Variants in DGKH observed in about 807,000 individuals in gnomAD.
DGKH encodes the protein DAG kinase eta.
A neutral mutation model predicts 159.3 loss-of-function variants in DGKH; 90 were observed. That is an observed-to-expected ratio of 0.57 (90% CI 0.48 to 0.67). The LOEUF (loss-of-function observed/expected upper bound fraction) is 0.67. Among genes scored for constraint, DGKH ranks in the 30% least tolerant of loss-of-function variants. The pLI is 0.00. For missense variants in DGKH, 1,181 were observed against 1,506.1 expected (o/e 0.78, Z 3.57); for synonymous variants, 536 against 553.8 (o/e 0.97, Z 0.45).
At position 42,198,549 on chromosome 13, in the gene DGKH, G is replaced by T. The variant is rs1488660321; in HGVS notation, c.2239G>T (p.Asp747Tyr). 1.2e-6 allele frequency: 2 copies of T among 1,613,458 alleles called. No individual in the cohort carries two copies. Among genetic ancestry groups the T allele is most frequent in the Admixed American group, 1.7e-5 (1 of 59,978 alleles). The change falls in exon 18 of 30, where the codon GAT (aspartate) becomes TAT (tyrosine). Residue 747 changes from aspartate (D) to tyrosine (Y), a missense_variant. By Grantham distance (160) the Asp-to-Tyr change is radical. This residue lies in a region of DGKH where 257 missense variants were observed against 281.5 expected (regional missense o/e 0.91). Coordinates refer to ENST00000337343, the MANE Select transcript of DGKH (RefSeq NM_178009.5). ...CAACAAAATGTTACTGGCAAACATT[G>T]ATCCTTTTGGTGCCACGCCGTTTAT... ...IINKMLLANI[D>Y]PFGATPFIDP... is the part of the protein sequence containing the mutation.
rs765778435 is a variant in DGKH, at chr13:42,229,099, G to A, written c.3574G>A (p.Asp1192Asn). 1.2e-6 allele frequency: 2 copies of A among 1,607,290 alleles called. No homozygotes were observed. The highest frequency in any genetic ancestry group is 3.4e-5 in the Admixed American group (2 of 59,012). Residue 1192 changes from aspartate to asparagine, a missense_variant and splice_region_variant, in exon 30 of 30, where the codon GAT becomes AAT. This residue lies in a region of DGKH where 84 missense variants were observed against 77.9 expected (regional missense o/e 1.08). Coordinates refer to ENST00000337343, the MANE Select transcript of DGKH (RefSeq NM_178009.5). The part of the protein sequence containing the change: ...LLHLERRDLK[D>N]LGIPKVGHVK... ...ACCTTTTTCTGTTCTTTTATTTTAG[G>A]ATCTGGGGATACCGAAAGTGGGTCA... is the stretch of plus-strand genomic sequence containing the variant.
In DGKH at chr13:42,206,035, A is replaced by G; in HGVS notation, c.2494-4A>G. The G allele has an allele frequency of 7.7e-7, 1 of 1,306,316 alleles. No individual in the cohort carries two copies. The highest frequency in any genetic ancestry group is 9.8e-7 in the Non-Finnish European group (1 of 1,015,516). The allele number at this position is 1,306,316 out of a possible 1,614,324, so 80.9% of individuals were successfully genotyped here. On this transcript the variant is annotated splice_region_variant and splice_polypyrimidine_tract_variant and intron_variant, in intron 20 of 29. Coordinates refer to ENST00000337343, the MANE Select transcript of DGKH (RefSeq NM_178009.5). ...TACTTTTTTTTTTTTTTTTTACCTT[A>G]CAGTGTGATGGGCAGTATATTCCTC...
rs115547852 is a variant in DGKH at position 42,186,417 on chromosome 13, A to G, written c.1539-632A>G. Among the ~76,000 whole-genome samples, 1,420 of 152,320 alleles carry G rather than the reference A, an allele frequency of 9.3e-3. 22 individuals carry two copies. The highest frequency in any genetic ancestry group is 0.031 in the African/African-American group (1,276 of 41,568). On this transcript the variant is annotated intron_variant, in intron 13 of 29. Transcript: ENST00000337343. Reference sequence around the variant, plus strand: ...CTTATTTCTATCGCAAAGAAGCCAAATGTAATTAAAATAAACAAACAAGTA... The same window carrying G: ...CTTATTTCTATCGCAAAGAAGCCAAGTGTAATTAAAATAAACAAACAAGTA...
chr13:42,202,631 G>A (rs1957374671), intron 20 of DGKH, among the ~76,000 whole-genome samples: 1 of 152,154 alleles, frequency 6.6e-6, no homozygotes, highest in South Asian at 2.1e-4. Context: ...CTGTACAAAT[G>A]CAAACTTTGT....
At chr13:42,151,757 T>G (rs146542450) in intron 3 of DGKH, among the ~76,000 whole-genome samples, 3 of 151,988 alleles carry the variant, frequency 2.0e-5, no homozygotes, top group East Asian at 3.9e-4. Flanking sequence ...AATAAACATA[T>G]AAGTGCAGGT....
At chr13:42,255,378 A>G (rs1188982721) in intron 30 of DGKH, among the ~76,000 whole-genome samples, 2 of 152,150 alleles carry the variant, frequency 1.3e-5, no homozygotes, top group Non-Finnish European at 2.9e-5. Context: ...TTAAAAGAGA[A>G]CATATAATAA....
intron 17 of DGKH, among the ~76,000 whole-genome samples, chr13:42,197,281 A>G (rs1957226988): frequency 6.7e-6 from 1 of 148,446 alleles, no homozygotes; most frequent in South Asian, 2.2e-4. Context: ...GAAAGAAAAT[A>G]TTAACACTTC....
intron 15 of DGKH, 54 bp downstream of exon 15, chr13:42,189,363 G>A (rs1957009520): frequency 6.2e-7 from 1 of 1,603,160 alleles, no homozygotes; most frequent in South Asian, 1.1e-5. Context: ...TCTACTGCAA[G>A]CATAACGGAG....
intron 13 of DGKH, chr13:42,181,334 G>A (rs1401352532): frequency 6.6e-6 from 1 of 151,890 alleles, no homozygotes; most frequent in East Asian, 2.0e-4. Flanking sequence ...CTGAAGCAAG[G>A]AAGCTATGAA....
chr13:42,204,409 G>A (rs1302368971), intron 20 of DGKH, among the ~76,000 whole-genome samples: 2 of 152,158 alleles, frequency 1.3e-5, no homozygotes, highest in East Asian at 3.8e-4. Flanking sequence ...GGTTAACACT[G>A]TGTTTTCATG....
At chr13:42,199,503 C>T in intron 18 of DGKH, 63 bp from the exon 19 acceptor site, 1 of 1,191,812 alleles carries the variant, frequency 8.4e-7, no homozygotes, top group Non-Finnish European at 1.2e-6. Flanking sequence ...ATCTTGTGTA[C>T]AAATTGTAAT....
At chr13:42,194,436 T>A (rs1358222176) in intron 16 of DGKH, among the ~76,000 whole-genome samples, 1 of 152,194 alleles carries the variant, frequency 6.6e-6, no homozygotes, top group African/African-American at 2.4e-5. Context: ...CCTGGCCTCT[T>A]CCATTTATTG....
At position 42,239,719 on chromosome 13, in the gene DGKH, A is replaced by G. The variant is rs1958482627; in HGVS notation, c.*10531A>G. On this transcript the variant is annotated 3_prime_UTR_variant, in exon 30 of 30. Transcript: ENST00000337343. ...TCTTTCCCACCAGAGTGGTCTCTCT[A>G]AAACAAATTTGCTAAAGTTCTTAAG... 6.6e-6 allele frequency: 1 copy of G among 152,520 alleles called. No individual in the cohort carries two copies. The highest frequency in any genetic ancestry group is 1.5e-5 in the Non-Finnish European group (1 of 68,010). 9.4% of individuals were successfully genotyped at this position (152,520 alleles called of 1,614,324 possible).
At chr13:42,124,875 A>G (rs1955140547) in intron 1 of DGKH, among the ~76,000 whole-genome samples, 1 of 152,226 alleles carries the variant, frequency 6.6e-6, no homozygotes, top group African/African-American at 2.4e-5. Flanking sequence ...CTGCTGCCAC[A>G]TGAAGCTTAT....
At chr13:42,104,272 TC>T (rs898458060) in intron 1 of DGKH, among the ~76,000 whole-genome samples, 1 of 151,896 alleles carries the variant, frequency 6.6e-6, no homozygotes, top group Non-Finnish European at 1.5e-5. Flanking sequence ...CTGCCATTTC[TC>T]CCCCCCAGGG....
chr13:42,250,626 T>G (rs1456382165), intron 29 of DGKH, among the ~76,000 whole-genome samples: 1 of 152,178 alleles, frequency 6.6e-6, no homozygotes, highest in Non-Finnish European at 1.5e-5. Context: ...ACAAAAAATC[T>G]GAAACAGAAC....
upstream of DGKH, among the ~76,000 whole-genome samples, chr13:42,047,536 G>A (rs1372327486): frequency 3.9e-5 from 6 of 152,216 alleles, no homozygotes; most frequent in Non-Finnish European, 5.9e-5. Flanking sequence ...GATGACAAGA[G>A]GGATCTGTCG....
rs1956039963 is a variant in DGKH at position 42,156,184 on chromosome 13, A to AAT, written c.622+387_622+388dup. The stretch of plus-strand genomic sequence containing the variant: ...TCTTTCATTTCATTTGTTTAATCTG[A>AAT]ATAGGTATCATCCTTTTTAATTTCC... On this transcript the variant is annotated intron_variant, in intron 5 of 29. Coordinates refer to ENST00000337343, the MANE Select transcript of DGKH (RefSeq NM_178009.5). 4.6e-5 allele frequency among the ~76,000 whole-genome samples: 7 copies of AAT among 152,148 alleles called. No homozygotes were observed. In the South Asian group the frequency reaches 1.4e-3, roughly 32 times the overall value.
At chr13:42,200,207 C>T (rs1957313525) in intron 20 of DGKH, among the ~76,000 whole-genome samples, 1 of 152,146 alleles carries the variant, frequency 6.6e-6, no homozygotes, top group Non-Finnish European at 1.5e-5. Flanking sequence ...TGGATTTTCT[C>T]ATTTAAGCTT....
Sources: allele counts gnomAD v4.1 joint callset (sites outside exome capture counted in the v4.1 genomes callset), GRCh38; gene constraint gnomAD v4.1.1; regional missense constraint gnomAD v4.1.1; transcripts MANE v1.5; gene names NCBI Gene and HGNC (gene_info 2026-07-23, HGNC 2026-07-21).